UNKL: variants seen among roughly 807,000 people sequenced by gnomAD.
UNKL encodes the protein unk like zinc finger.
UNKL carries 60 observed loss-of-function variants against 78.0 expected under a neutral mutation model. That is an observed-to-expected ratio of 0.77 (90% confidence interval 0.63 to 0.95). UNKL has a LOEUF of 0.95. Among genes scored for constraint, UNKL ranks in the 40% least tolerant of loss-of-function variants. The pLI is 0.00. For missense variants in UNKL, 1,159 were observed against 1,045.7 expected, an observed-to-expected ratio of 1.11 and a Z score of -1.49; for synonymous variants, 608 against 474.8, an observed-to-expected ratio of 1.28 and a Z score of -3.65.
At chr16:1,395,947 G>C (rs886859880) in intron 6 of UNKL, 5 of 357,598 alleles carry the variant, frequency 1.4e-5, no homozygotes, top group Non-Finnish European at 2.8e-5. Flanking sequence ...CTTGGCTGAG[G>C]ATTTTACTTT....
intron 9 of UNKL, among the ~76,000 whole-genome samples, chr16:1,388,797 G>A (rs1262822275): frequency 3.9e-5 from 6 of 151,972 alleles, no homozygotes; most frequent in South Asian, 2.1e-4. Context: ...ACACCATGAG[G>A]ACACCGCACC....
At chr16:1,404,790 C>T (rs1210548510) in intron 2 of UNKL, among the ~76,000 whole-genome samples, 2 of 152,278 alleles carry the variant, frequency 1.3e-5, no homozygotes, top group East Asian at 1.9e-4. Context: ...CTTCCATCCA[C>T]GTGACGGGGT....
At chr16:1,375,152 T>A (rs1017691211) in intron 10 of UNKL, among the ~76,000 whole-genome samples, 5 of 152,196 alleles carry the variant, frequency 3.3e-5, no homozygotes, top group Admixed American at 6.5e-5. Context: ...AGCCGGAGTA[T>A]CCTCGTGCCG....
chr16:1,363,249 T>C lies in UNKL; in HGVS notation c.*2991A>G, dbSNP rs1227015687. ...TAATTCCCATACTGATAAAAATAAC[T>C]CCATGAATTCTGTAAACCATTGCAT... is the stretch of plus-strand genomic sequence containing the variant. On this transcript the variant is annotated 3_prime_UTR_variant, in exon 15 of 15. Transcript: ENST00000389221. The C allele has an allele frequency of 4.8e-5, 33 of 694,634 alleles. No homozygotes were observed. Among genetic ancestry groups the C allele is most frequent in the Non-Finnish European group, 7.9e-5 (31 of 392,744 alleles). 43.0% of individuals were successfully genotyped at this position (694,634 alleles called of 1,614,324 possible).
rs144705121 is a variant in UNKL, at chr16:1,413,857, G to T, written c.276C>A (p.Pro92=). The change falls in exon 2 of 15, where the codon CCC becomes CCA. Residue 92 remains proline, a synonymous_variant. Transcript: ENST00000389221. ...SKYNEATGVC[P]DGDECPYLHR... Reference sequence around the variant, plus strand: ...TCGCGGCCGCTTACTCGTCGCCGTCGGGGCACACGCCGGTGGCTTCGTTGT... The same window carrying T: ...TCGCGGCCGCTTACTCGTCGCCGTCTGGGCACACGCCGGTGGCTTCGTTGT... 1.3e-6 allele frequency: 2 copies of T among 1,523,216 alleles called. No homozygotes were observed. Among genetic ancestry groups the T allele is most frequent in the Middle Eastern group, 1.9e-4 (1 of 5,356 alleles). The allele number at this position is 1,523,216 out of a possible 1,614,324, so 94.4% of individuals were successfully genotyped here. A position where few individuals can be genotyped will look rare whatever the true frequency, so the allele number is the denominator to read the frequency against.
chr16:1,371,301 G>A (rs1438596682), intron 11 of UNKL, among the ~76,000 whole-genome samples: 2 of 152,190 alleles, frequency 1.3e-5, no homozygotes, highest in African/African-American at 2.4e-5. Flanking sequence ...GAAAGGGAGA[G>A]GCAGTCAGGG....
chr16:1,385,272 C>A lies in UNKL; in HGVS notation c.1200G>T (p.Leu400=). ...GGAGGGCACGGGCGGGGGGCGCGGGCAGCGCAGTGGGGGAGGAGCTGCCGG... is the reference window on the plus strand; with the variant it reads ...GGAGGGCACGGGCGGGGGGCGCGGGAAGCGCAGTGGGGGAGGAGCTGCCGG... The part of the protein sequence containing the change: ...AGSGSSSPTA[L]PAPPARALPL... Residue 400 remains leucine, a synonymous_variant, in exon 10 of 15, where the codon CTG becomes CTT. Coordinates refer to ENST00000389221, the MANE Select transcript of UNKL (RefSeq NM_001372107.1). 7.4e-7 allele frequency: 1 copy of A among 1,347,192 alleles called. No homozygotes were observed. Among genetic ancestry groups the A allele is most frequent in the Non-Finnish European group, 9.5e-7 (1 of 1,054,648 alleles). 83.5% of individuals were successfully genotyped at this position (1,347,192 alleles called of 1,614,324 possible). A position where few individuals can be genotyped will look rare whatever the true frequency, so the allele number is the denominator to read the frequency against.
chr16:1,412,621 A>G (rs1263736796), intron 2 of UNKL, among the ~76,000 whole-genome samples: 1 of 152,222 alleles, frequency 6.6e-6, no homozygotes, highest in African/African-American at 2.4e-5. Flanking sequence ...ATGCTACATA[A>G]ATGAGCCTGC....
At position 1,385,381 on chromosome 16, in the gene UNKL, T is replaced by G; in HGVS notation, c.1091A>C (p.His364Pro). 1 of 1,390,344 alleles carries G rather than the reference T, an allele frequency of 7.2e-7. No homozygotes were observed. Among genetic ancestry groups the G allele is most frequent in the South Asian group, 1.6e-5 (1 of 63,894 alleles). The allele number at this position is 1,390,344 out of a possible 1,614,324, so 86.1% of individuals were successfully genotyped here. ...GTGGACCGCTGCAAACACGGCCAGG[T>G]GGTTCTGTTCAAAGACATAAACACC... ...RGSEQDSKQN[H>P]LAVFAAVHPP... is the part of the protein sequence containing the mutation. Residue 364 changes from histidine (H) to proline (P), a missense_variant, in exon 10 of 15, where the codon CAC (histidine) becomes CCC (proline). Physicochemically the swap from His to Pro is moderately conservative, Grantham distance 77. Coordinates refer to ENST00000389221, the MANE Select transcript of UNKL (RefSeq NM_001372107.1).
intron 10 of UNKL, among the ~76,000 whole-genome samples, chr16:1,382,525 C>T (rs2036640152): frequency 1.3e-5 from 2 of 152,224 alleles, no homozygotes; most frequent in Non-Finnish European, 2.9e-5. Context: ...CTCCCCATGG[C>T]CTCCTGAGGG....
At chr16:1,404,076 C>T (rs565520438) in intron 2 of UNKL, among the ~76,000 whole-genome samples, 6 of 152,238 alleles carry the variant, frequency 3.9e-5, no homozygotes, top group East Asian at 1.9e-4. Context: ...CGACACAAAC[C>T]GCTCTGGCAT....
chr16:1,363,767 C>CCTGGCAGCG lies in UNKL; in HGVS notation c.*2464_*2472dup. On this transcript the variant is annotated 3_prime_UTR_variant, in exon 15 of 15. Transcript: ENST00000389221. ...CCAGGATCTTGCCCCCATTTCCAAC[C>CCTGGCAGCG]CTGGCAGCGCTGCCAGCCATTCTTT... is the stretch of plus-strand genomic sequence containing the variant. 6.3e-6 allele frequency: 1 copy of CCTGGCAGCG among 159,246 alleles called. No individual in the cohort carries two copies. Among genetic ancestry groups the CCTGGCAGCG allele is most frequent in the Non-Finnish European group, 1.4e-5 (1 of 72,246 alleles). 9.9% of individuals were successfully genotyped at this position (159,246 alleles called of 1,614,324 possible).
At position 1,367,817 on chromosome 16, in the gene UNKL, C is replaced by CGGA. The variant is rs2035434059; in HGVS notation, c.1624_1626dup (p.Ser542dup). The CGGA allele has an allele frequency of 6.3e-7, 1 of 1,575,376 alleles. No homozygotes were observed. Among genetic ancestry groups the CGGA allele is most frequent in the Non-Finnish European group, 8.6e-7 (1 of 1,161,580 alleles). On this transcript the variant is annotated inframe_insertion, in exon 13 of 15. Transcript: ENST00000389221. ...GGGGAGGGGCTGGGGGAGAAGCTGC[C>CGGA]GGAAACAAAGTCCCAGATGCTCCCG...
At chr16:1,393,040 T>C in intron 7 of UNKL, 64 bp from the exon 8 acceptor site, 5 of 1,486,822 alleles carry the variant, frequency 3.4e-6, no homozygotes, top group Non-Finnish European at 3.7e-6. Flanking sequence ...CACGCAGAAG[T>C]CTCCGCACCA....
At chr16:1,383,853 T>C in intron 10 of UNKL, 1 of 419,264 alleles carries the variant, frequency 2.4e-6, no homozygotes, top group Non-Finnish European at 4.9e-6. Context: ...AGCAGCCCTG[T>C]CCTCCTGATC....
rs1198485357 is a variant in UNKL at position 1,399,571 on chromosome 16, A to G, written c.599-62T>C. 1 of 1,545,632 alleles carries G rather than the reference A, an allele frequency of 6.5e-7. No individual in the cohort carries two copies. Among genetic ancestry groups the G allele is most frequent in the African/African-American group, 1.4e-5 (1 of 72,974 alleles). ...CTGGAAGCAATGCTGGGCAGAGGAG[A>G]CCAAAGGTGGAAGGACCTGGCTGTC... On this transcript the variant is annotated intron_variant, in intron 4 of 14. Transcript: ENST00000389221. This position sits in a 1 kb window ranked among gnomAD's most constrained non-coding sequence, Gnocchi z 5.8.
rs1299595672 is a variant in UNKL, at chr16:1,371,595, C to T, written c.1281G>A (p.Leu427=). ...ATGCAATATTCACATTGCTAAGATG[C>T]AGGTCTAACGCAGAACCTGTCAACA... ...VEAVLGSALD[L]HLSNVNIASL... is the part of the protein sequence containing the mutation. The change falls in exon 11 of 15, where the codon CTG becomes CTA. Residue 427 remains leucine, a synonymous_variant. Transcript: ENST00000389221. 3.9e-6 allele frequency: 6 copies of T among 1,536,180 alleles called. No individual in the cohort carries two copies. The highest frequency in any genetic ancestry group is 2.4e-5 in the South Asian group (2 of 84,060).
chr16:1,413,429 A>G (rs11248877), intron 2 of UNKL, among the ~76,000 whole-genome samples: 143,450 of 152,110 alleles, frequency 0.94, 67,706 homozygotes, highest in East Asian at 1. Context: ...TTAGCTGGGC[A>G]TGGTGGCACA....
intron 10 of UNKL, among the ~76,000 whole-genome samples, chr16:1,376,893 A>G (rs2036272869): frequency 6.6e-6 from 1 of 152,102 alleles, no homozygotes; most frequent in African/African-American, 2.4e-5. Context: ...TGCTGTCCTG[A>G]ACCCAGACCT....
Sources: gnomAD v4.1 joint callset for allele counts (sites outside exome capture counted in the v4.1 genomes callset) on GRCh38, gnomAD v4.1.1 for gene constraint, Gnocchi (gnomAD v3.1) non-coding constraint, MANE v1.5 for transcripts, NCBI Gene and HGNC (gene_info 2026-07-23, HGNC 2026-07-21) for gene names.